Variants in ROBO1 observed in about 807,000 individuals in gnomAD.
ROBO1 encodes the protein roundabout guidance receptor 1.
ROBO1 carries 149 observed loss-of-function variants against 195.9 expected under a neutral mutation model. The observed-to-expected ratio is 0.76, with a 90% confidence interval of 0.67 to 0.87. The LOEUF is 0.87. Among genes scored for constraint, ROBO1 ranks in the 40% least tolerant of loss-of-function variants. The pLI, the probability that ROBO1 is intolerant of heterozygous loss-of-function variation, is 0.00. For synonymous variants in ROBO1, 816 were observed against 733.2 expected, an observed-to-expected ratio of 1.11 and a Z score of -1.82; for missense variants, 1,933 against 2,068.3, an observed-to-expected ratio of 0.93 and a Z score of 1.27.
At chr3:79,750,793 T>A (rs977762006) in intron 1 of ROBO1, among the ~76,000 whole-genome samples, 2 of 152,208 alleles carry the variant, frequency 1.3e-5, no homozygotes, top group African/African-American at 4.8e-5. Flanking sequence ...CAGTCTAGGG[T>A]ATGTCTTTAT....
Position 78,597,965 on chromosome 3 carries a change from AAAGAGAG to A in ROBO1, c.*941_*947del, listed in dbSNP as rs1244732841. ...CTTTTAAAACCAAAAAAAAAAAAAA[AAAGAGAG>A]AGAGATTAAAAACAGTGCATTACAA... On this transcript the variant is annotated 3_prime_UTR_variant, in exon 31 of 31. Transcript: ENST00000464233. 2.0e-5 allele frequency: 3 copies of A among 152,098 alleles called. No individual in the cohort carries two copies. Among genetic ancestry groups the A allele is most frequent in the African/African-American group, 7.3e-5 (3 of 41,324 alleles). The allele number at this position is 152,098 out of a possible 1,614,324, so 9.4% of individuals were successfully genotyped here.
intron 2 of ROBO1, among the ~76,000 whole-genome samples, chr3:79,561,437 A>G (rs903655021): frequency 3.3e-5 from 5 of 152,174 alleles, no homozygotes; most frequent in African/African-American, 4.8e-5. Flanking sequence ...AAAAATTGAT[A>G]AGCATAAAGT....
At chr3:79,078,633 A>C (rs2079216945) in intron 3 of ROBO1, among the ~76,000 whole-genome samples, 1 of 151,822 alleles carries the variant, frequency 6.6e-6, no homozygotes, top group African/African-American at 2.4e-5. Context: ...ATCACTCGAA[A>C]AGTAGGAGTG....
At chr3:79,163,088 T>G (rs1164532987) in intron 2 of ROBO1, among the ~76,000 whole-genome samples, 1 of 152,056 alleles carries the variant, frequency 6.6e-6, no homozygotes, top group Admixed American at 6.6e-5. Context: ...GATACATTCC[T>G]AATGTGCCAC....
At chr3:78,725,375 TAA>T (rs3836363) in intron 5 of ROBO1, among the ~76,000 whole-genome samples, 1 of 151,898 alleles carries the variant, frequency 6.6e-6, no homozygotes, top group Non-Finnish European at 1.5e-5. Flanking sequence ...AGTCTCAGGT[TAA>T]AAAAAATGTT....
chr3:79,085,563 A>T (rs2079352312), intron 3 of ROBO1, among the ~76,000 whole-genome samples: 1 of 152,080 alleles, frequency 6.6e-6, no homozygotes, highest in Non-Finnish European at 1.5e-5. Context: ...AACAGGGAGG[A>T]GCTCCTGATA....
At chr3:79,083,460 C>G (rs2079312384) in intron 3 of ROBO1, among the ~76,000 whole-genome samples, 1 of 152,038 alleles carries the variant, frequency 6.6e-6, no homozygotes. Context: ...TATTTATAAC[C>G]TATCATGTTT....
At chr3:79,263,628 T>C (rs556117658) in intron 2 of ROBO1, among the ~76,000 whole-genome samples, 1 of 152,032 alleles carries the variant, frequency 6.6e-6, no homozygotes, top group Non-Finnish European at 1.5e-5. Context: ...TGAGACAGAG[T>C]GAAACCCTGT....
At chr3:79,572,610 T>C (rs2107752918) in intron 2 of ROBO1, among the ~76,000 whole-genome samples, 2 of 152,238 alleles carry the variant, frequency 1.3e-5, no homozygotes, top group African/African-American at 4.8e-5. Context: ...AATAATAAAA[T>C]GCAATCTTAA....
rs551168769 is a variant in ROBO1, at chr3:78,803,789, G to GA, written c.500-56890dup. On this transcript the variant is annotated intron_variant, in intron 4 of 30. Transcript: ENST00000464233. ...AGCAGAACAAAGTATAGCTTCTTTT[G>GA]AAAAAAAAAGCAAAGGGGATAAGGA... Among the ~76,000 whole-genome samples, 13 of 149,604 alleles carry GA rather than the reference G, an allele frequency of 8.7e-5. No individual in the cohort carries two copies. The East Asian group carries it at 9.7e-4, about 11-fold the overall frequency.
intron 2 of ROBO1, among the ~76,000 whole-genome samples, chr3:79,463,307 A>G (rs1233035769): frequency 1.3e-5 from 2 of 151,844 alleles, no homozygotes; most frequent in Admixed American, 6.6e-5. Context: ...CCCAGGAGTC[A>G]GAGCTTGCAG....
At chr3:79,692,518 A>G (rs1409478566) in intron 1 of ROBO1, among the ~76,000 whole-genome samples, 1 of 151,830 alleles carries the variant, frequency 6.6e-6, no homozygotes, top group East Asian at 1.9e-4. Context: ...TGATCCATTC[A>G]AAGACCCCAT....
Position 78,662,020 on chromosome 3 carries a change from A to C in ROBO1, c.2061T>G (p.Ser687=). 1 of 1,606,774 alleles carries C rather than the reference A, an allele frequency of 6.2e-7. No homozygotes were observed. Among genetic ancestry groups the C allele is most frequent in the Non-Finnish European group, 8.5e-7 (1 of 1,176,700 alleles). ...TCCAGTGCACTTCGATGGAAGAGGA[A>C]GAAAGGACGGTGGGGTTGTGGAGGT... is the stretch of plus-strand genomic sequence containing the variant. ...VLHLHNPTVL[S]SSSIEVHWTV... The change falls in exon 15 of 31, where the codon TCT becomes TCG. Residue 687 remains serine (S), a synonymous_variant. Transcript: ENST00000464233.
intron 3 of ROBO1, among the ~76,000 whole-genome samples, chr3:79,078,924 A>T (rs1282775981): frequency 9.2e-5 from 14 of 151,916 alleles, no homozygotes; most frequent in Non-Finnish European, 1.2e-4. Flanking sequence ...CTTTCTTCTT[A>T]CATGACTCTA....
At chr3:78,666,463 A>C (rs1388742402) in intron 14 of ROBO1, among the ~76,000 whole-genome samples, 1 of 152,200 alleles carries the variant, frequency 6.6e-6, no homozygotes, top group Non-Finnish European at 1.5e-5. Context: ...AAAACCTTTC[A>C]GTTAGAGTCT....
At chr3:79,346,928 T>C (rs1177364503) in intron 2 of ROBO1, among the ~76,000 whole-genome samples, 2 of 152,022 alleles carry the variant, frequency 1.3e-5, no homozygotes, top group East Asian at 3.8e-4. Context: ...TTCTGTACTA[T>C]GATAACTATG....
At chr3:79,723,154 C>T (rs956634072) in intron 1 of ROBO1, among the ~76,000 whole-genome samples, 1 of 152,152 alleles carries the variant, frequency 6.6e-6, no homozygotes. Flanking sequence ...CCACCATTCC[C>T]GTGACAATGT....
intron 1 of ROBO1, among the ~76,000 whole-genome samples, chr3:79,628,079 T>C (rs1945232216): frequency 6.6e-6 from 1 of 152,196 alleles, no homozygotes; most frequent in South Asian, 2.1e-4. Context: ...AGTGTGGTGA[T>C]TCCTCAAGGA....
chr3:79,209,796 A>G (rs2081938750), intron 2 of ROBO1, among the ~76,000 whole-genome samples: 1 of 152,258 alleles, frequency 6.6e-6, no homozygotes, highest in East Asian at 1.9e-4. Context: ...AACACTAAAG[A>G]CTCATCCGAA....
Sources: gnomAD v4.1 joint callset for allele counts (sites outside exome capture counted in the v4.1 genomes callset) on GRCh38, gnomAD v4.1.1 for gene constraint, MANE v1.5 for transcripts, NCBI Gene and HGNC (gene_info 2026-07-23, HGNC 2026-07-21) for gene names.